The following SORL1 variants were observed in gnomAD, a reference collection of about 807,000 sequenced individuals.
The protein encoded by SORL1 is sortilin related receptor 1.
A neutral mutation model predicts 273.7 loss-of-function variants in SORL1; 127 were observed. The observed-to-expected ratio is 0.46, with a 90% CI of 0.40 to 0.54. The LOEUF (loss-of-function observed/expected upper bound fraction) is 0.54, where lower values mean the gene tolerates loss of function less well. Among genes scored for constraint, SORL1 ranks in the 20% least tolerant of loss-of-function variants. SORL1 has a pLI of 0.00. For missense variants in SORL1, 2,494 were observed against 2,846.1 expected (o/e 0.88, Z 2.81); for synonymous variants, 1,031 against 1,067.4 (o/e 0.97, Z 0.66).
chr11:121,603,049 G>A (rs1455165264), intron 32 of SORL1, among the ~76,000 whole-genome samples: 1 of 152,184 alleles, frequency 6.6e-6, no homozygotes, highest in African/African-American at 2.4e-5. Context: ...AACCAGAAAA[G>A]GGTCTCTGCT....
chr11:121,612,394 A>G (rs1052687037), intron 39 of SORL1: 1 of 204,720 alleles, frequency 4.9e-6, no homozygotes, highest in African/African-American at 2.4e-5. Flanking sequence ...GCAAGGATTT[A>G]TCCTTAATTT....
rs551911520 is a variant in SORL1, at chr11:121,599,136, G to T, written c.4519+3364G>T. ...CCATTTTGGGGTTGGATTTCTCTCT[G>T]TCCAGAACATGCCACTTGTTATCTG... On this transcript the variant is annotated intron_variant, in intron 32 of 47. Coordinates refer to ENST00000260197, the MANE Select transcript of SORL1 (RefSeq NM_003105.6). 2.4e-4 allele frequency among the ~76,000 whole-genome samples: 37 copies of T among 152,214 alleles called. No individual in the cohort carries two copies. The South Asian group carries it at 7.7e-3, about 32-fold the overall frequency.
chr11:121,467,122 C>T (rs539842), intron 1 of SORL1, among the ~76,000 whole-genome samples: 147,659 of 150,478 alleles, frequency 0.98, 72,520 homozygotes, highest in Middle Eastern at 1. Context: ...CTCCGCCTCC[C>T]GGGTTCACGC....
At chr11:121,465,088 A>G (rs1462608556) in intron 1 of SORL1, among the ~76,000 whole-genome samples, 1 of 152,200 alleles carries the variant, frequency 6.6e-6, no homozygotes, top group Non-Finnish European at 1.5e-5. Context: ...TATCGCCGCA[A>G]TGTTGTGCTA....
At position 121,572,528 on chromosome 11, in the gene SORL1, CAA is replaced by C. The variant is rs1862859175; in HGVS notation, c.3338-1712_3338-1711del. On this transcript the variant is annotated intron_variant, in intron 23 of 47. Transcript: ENST00000260197. ...GATTTAAAACTCAGAGACTGGGAGTCAAGAGAGAGGGGCTTATCTGTGCCTGC... is the reference window on the plus strand; with the variant it reads ...GATTTAAAACTCAGAGACTGGGAGTCGAGAGAGGGGCTTATCTGTGCCTGC... Among the ~76,000 whole-genome samples, 4 of 152,268 alleles carry C rather than the reference CAA, an allele frequency of 2.6e-5. No homozygotes were observed. The South Asian group carries it at 8.3e-4, about 32-fold the overall frequency.
intron 1 of SORL1, among the ~76,000 whole-genome samples, chr11:121,456,840 G>T (rs888157366): frequency 2.0e-5 from 3 of 152,172 alleles, no homozygotes; most frequent in Non-Finnish European, 4.4e-5. Context: ...ACAGCACAAG[G>T]CCCTGGGACA....
At chr11:121,490,498 G>T (rs894420931) in intron 5 of SORL1, among the ~76,000 whole-genome samples, 3 of 152,042 alleles carry the variant, frequency 2.0e-5, no homozygotes, top group Admixed American at 2.0e-4. Context: ...CCAGCACTTT[G>T]GGAGGCTGAG....
At chr11:121,566,905 A>T in intron 21 of SORL1, 35 bp from the exon 22 acceptor site, 1 of 1,596,976 alleles carries the variant, frequency 6.3e-7, no homozygotes, top group Non-Finnish European at 8.5e-7. Context: ...CATGGTGTGT[A>T]TTAACCTACC....
At chr11:121,570,338 T>C (rs1862822457) in intron 23 of SORL1, 68 bp downstream of exon 23, 1 of 1,234,872 alleles carries the variant, frequency 8.1e-7, no homozygotes, top group Non-Finnish European at 1.2e-6. Flanking sequence ...CTTCCCAGGC[T>C]GAGGGCCTAA....
In SORL1 at chr11:121,554,125, G is replaced by A. The variant is rs1195470204; in HGVS notation, c.2439+16G>A. On this transcript the variant is annotated intron_variant, in intron 17 of 47. Coordinates refer to ENST00000260197, the MANE Select transcript of SORL1 (RefSeq NM_003105.6). This position sits in a 1 kb window ranked among gnomAD's most constrained non-coding sequence, Gnocchi z 4.6. Reference sequence around the variant, plus strand: ...CGTCATCCAGGTGAGTCAGCGCTTGGTCTGACTGTGGGAGCTGTGCATCGT... The same window carrying A: ...CGTCATCCAGGTGAGTCAGCGCTTGATCTGACTGTGGGAGCTGTGCATCGT... The A allele has an allele frequency of 6.2e-7, 1 of 1,610,396 alleles. No individual in the cohort carries two copies. Among genetic ancestry groups the A allele is most frequent in the South Asian group, 1.1e-5 (1 of 90,734 alleles).
At chr11:121,530,398 A>C (rs1158964091) in intron 11 of SORL1, among the ~76,000 whole-genome samples, 1 of 152,158 alleles carries the variant, frequency 6.6e-6, no homozygotes, top group Non-Finnish European at 1.5e-5. Context: ...TCATTCCTGA[A>C]GGATATGTTT....
At chr11:121,605,621 G>T (rs749000979) in intron 35 of SORL1, 50 bp downstream of exon 35, 1 of 1,455,578 alleles carries the variant, frequency 6.9e-7, no homozygotes, top group Non-Finnish European at 9.6e-7. Context: ...TCAGGTCGGG[G>T]TTTGTGAGGG....
chr11:121,565,257 G>T (rs7124060), intron 21 of SORL1, among the ~76,000 whole-genome samples: 20,426 of 152,102 alleles, frequency 0.13, 2,167 homozygotes, highest in African/African-American at 0.29. Context: ...GAATCTTTTG[G>T]AATGTTTCAT....
intron 32 of SORL1, among the ~76,000 whole-genome samples, chr11:121,600,699 A>G (rs570521266): frequency 1.3e-5 from 2 of 152,150 alleles, no homozygotes; most frequent in Non-Finnish European, 2.9e-5. Flanking sequence ...TTTTTTTCCA[A>G]CATTAATTTG....
intron 22 of SORL1, 140 bp from the exon 23 acceptor site, chr11:121,570,017 G>T: frequency 1.9e-6 from 1 of 515,730 alleles, no homozygotes; most frequent in Non-Finnish European, 3.5e-6. Context: ...GAAATATCGG[G>T]GGTGAATTTC....
In SORL1 at chr11:121,457,758, G is replaced by C. The variant is rs1022103794; in HGVS notation, c.285+5142G>C. Reference sequence around the variant, plus strand: ...GAGCACAGTTCCCTTGAGATGTGGAGTCCAGGCTTGTAAGAGCATCAGAAT... The same window carrying C: ...GAGCACAGTTCCCTTGAGATGTGGACTCCAGGCTTGTAAGAGCATCAGAAT... On this transcript the variant is annotated intron_variant, in intron 1 of 47. Coordinates refer to ENST00000260197, the MANE Select transcript of SORL1 (RefSeq NM_003105.6). 9.2e-5 allele frequency among the ~76,000 whole-genome samples: 14 copies of C among 152,344 alleles called. No homozygotes were observed. The East Asian group carries it at 2.5e-3, about 27-fold the overall frequency.
chr11:121,532,097 A>G (rs957332901), intron 11 of SORL1, among the ~76,000 whole-genome samples: 2 of 152,230 alleles, frequency 1.3e-5, no homozygotes, highest in Admixed American at 1.3e-4. Flanking sequence ...ATAGAGGGCT[A>G]ATACTGTCAT....
intron 11 of SORL1, among the ~76,000 whole-genome samples, chr11:121,525,429 T>G (rs775086402): frequency 2.6e-5 from 4 of 152,218 alleles, no homozygotes; most frequent in Non-Finnish European, 4.4e-5. Flanking sequence ...ATGTACATAT[T>G]TTATTCATTT....
Position 121,614,912 on chromosome 11 carries a change from T to G in SORL1, c.5461T>G (p.Trp1821Gly). The G allele has an allele frequency of 1.2e-6, 2 of 1,613,126 alleles. No individual in the cohort carries two copies. Among genetic ancestry groups the G allele is most frequent in the Non-Finnish European group, 1.7e-6 (2 of 1,179,586 alleles). The change falls in exon 41 of 48, where the codon TGG (tryptophan) becomes GGG (glycine). Residue 1821 changes from tryptophan to glycine, a missense_variant. Physicochemically the swap from Trp to Gly is radical, Grantham distance 184. Coordinates refer to ENST00000260197, the MANE Select transcript of SORL1 (RefSeq NM_003105.6). Reference protein sequence around the residue: ...TAHTSYEISAWAKTDLGDSPL... With the variant: ...TAHTSYEISAGAKTDLGDSPL... ...TCATACATCCTATGAGATTTCTGCC[T>G]GGGCCAAGACTGACTTGGGGGATAG... is the stretch of plus-strand genomic sequence containing the variant.
Sources: gnomAD v4.1 joint callset for allele counts (sites outside exome capture counted in the v4.1 genomes callset) on GRCh38, gnomAD v4.1.1 for gene constraint, Gnocchi (gnomAD v3.1) non-coding constraint, MANE v1.5 for transcripts, NCBI Gene and HGNC (gene_info 2026-07-23, HGNC 2026-07-21) for gene names.